Variants in ZNF410 observed in about 807,000 individuals in gnomAD.
The protein encoded by ZNF410 is zinc finger protein 410.
Under a neutral mutation model 54.8 loss-of-function variants are expected in ZNF410, and 18 were observed. The observed-to-expected ratio is 0.33, with a 90% CI of 0.23 to 0.49. The LOEUF is 0.49. Among genes scored for constraint, ZNF410 ranks in the 20% least tolerant of loss-of-function variants. The probability of loss-of-function intolerance (pLI) is 0.99; values close to 1 mark genes in which losing one functional copy is unlikely to be tolerated. For missense variants in ZNF410, 405 were observed against 569.6 expected (o/e 0.71, Z 2.94); for synonymous variants, 191 against 207.3 (o/e 0.92, Z 0.68).
chr14:73,898,168 T>G lies in ZNF410; in HGVS notation c.486T>G (p.Ile162Met), dbSNP rs762891364. ...FLSSESTDSS[I>M]PWFLRVQELA... The stretch of plus-strand genomic sequence containing the variant: ...CCAGTGAGAGCACAGACAGTAGCAT[T>G]CCATGGTTCCTCCGGGTTCAGGAGT... Residue 162 changes from isoleucine (I) to methionine (M), a missense_variant, in exon 5 of 12, where the codon ATT becomes ATG. Ile to Met is a conservative substitution (Grantham distance 10). Transcript: ENST00000555044. 5.3e-5 allele frequency: 85 copies of G among 1,614,014 alleles called. No homozygotes were observed. The highest frequency in any genetic ancestry group is 6.8e-5 in the Non-Finnish European group (80 of 1,180,054).
chr14:73,898,368 A>C, intron 5 of ZNF410, 106 bp downstream of exon 5: 1 of 1,148,368 alleles, frequency 8.7e-7, no homozygotes, highest in African/African-American at 1.6e-5. Context: ...TATTGATGAG[A>C]GCAGAAGGCT....
intron 2 of ZNF410, among the ~76,000 whole-genome samples, chr14:73,892,587 T>C (rs1026331578): frequency 1.3e-5 from 2 of 152,082 alleles, no homozygotes; most frequent in African/African-American, 4.8e-5. Context: ...CTGTAAGTAT[T>C]TTCTTTCTAA....
chr14:73,889,288 C>A (rs1047791523), intron 1 of ZNF410, among the ~76,000 whole-genome samples: 6 of 152,072 alleles, frequency 3.9e-5, no homozygotes, highest in Non-Finnish European at 8.8e-5. Context: ...AATCCTCCTA[C>A]TCAGCCTCCC....
chr14:73,891,126 A>G (rs2055223316), intron 1 of ZNF410, among the ~76,000 whole-genome samples: 1 of 152,146 alleles, frequency 6.6e-6, no homozygotes, highest in South Asian at 2.1e-4. Flanking sequence ...AAAAATTATC[A>G]AAACAATATG....
Position 73,894,377 on chromosome 14 carries a change from A to G in ZNF410, c.169+445A>G, listed in dbSNP as rs971281764. ...TTGGCAGAACCTGTTCCATGGAGAG[A>G]AGAGGATGGAAAGTCAGGCTGCAGT... On this transcript the variant is annotated intron_variant, in intron 3 of 11. Transcript: ENST00000555044. 4.4e-5 allele frequency: 31 copies of G among 702,688 alleles called. No individual in the cohort carries two copies. In the East Asian group the frequency reaches 8.3e-4, roughly 19 times the overall value. The allele number at this position is 702,688 out of a possible 1,614,324, so 43.5% of individuals were successfully genotyped here. A position where few individuals can be genotyped will look rare whatever the true frequency, so the allele number is the denominator to read the frequency against.
At chr14:73,890,203 T>A (rs1197631090) in intron 1 of ZNF410, among the ~76,000 whole-genome samples, 1 of 151,524 alleles carries the variant, frequency 6.6e-6, no homozygotes, top group Non-Finnish European at 1.5e-5. Flanking sequence ...TTTTTTTTTT[T>A]TTTGAGATGG....
intron 11 of ZNF410, chr14:73,927,915 G>T: frequency 6.1e-6 from 1 of 163,266 alleles, no homozygotes; most frequent in Non-Finnish European, 1.4e-5. Flanking sequence ...TCGGCCCACT[G>T]CAACCTCTAC....
rs906481832 is a variant in ZNF410 at position 73,918,997 on chromosome 14, CTTTTTTTTTTT to C, written c.1004-1963_1004-1953del. 4.7e-3 allele frequency among the ~76,000 whole-genome samples: 284 copies of C among 60,632 alleles called. 3 individuals carry two copies. Among genetic ancestry groups the C allele is most frequent in the African/African-American group, 0.026 (276 of 10,526 alleles). 39.8% of individuals were successfully genotyped at this position (60,632 alleles called of 152,430 possible). ...ACAGGAGTAAGCCACCGTGCCCGGC[CTTTTTTTTTTT>C]TTTTTTTTTTTTTTTTTTTGACAGA... On this transcript the variant is annotated intron_variant, in intron 8 of 11. Transcript: ENST00000555044.
At chr14:73,909,488 G>A in intron 8 of ZNF410, 58 bp downstream of exon 8, 1 of 1,411,792 alleles carries the variant, frequency 7.1e-7, no homozygotes, top group Non-Finnish European at 9.9e-7. Flanking sequence ...GAATAAAAGG[G>A]TTGTGGGGGT....
intron 1 of ZNF410, 40 bp downstream of exon 1, chr14:73,886,955 G>C (rs1233370535): frequency 6.5e-6 from 1 of 152,698 alleles, no homozygotes; most frequent in Non-Finnish European, 1.5e-5. Context: ...TCCTCGGTTA[G>C]GTAGTACCCG....
chr14:73,922,293 A>T, intron 10 of ZNF410, 87 bp downstream of exon 10: 1 of 1,372,876 alleles, frequency 7.3e-7, no homozygotes, highest in Non-Finnish European at 9.9e-7. Flanking sequence ...GTATGTTTAA[A>T]TCTCATTTCT....
chr14:73,894,761 C>T (rs1342991613), intron 3 of ZNF410, among the ~76,000 whole-genome samples: 6 of 151,816 alleles, frequency 4.0e-5, no homozygotes, highest in South Asian at 2.1e-4. Flanking sequence ...TCTCCTGGTA[C>T]GAGAAGGAAA....
chr14:73,894,719 G>A (rs757349096), intron 3 of ZNF410, among the ~76,000 whole-genome samples: 5 of 152,182 alleles, frequency 3.3e-5, no homozygotes, highest in East Asian at 1.9e-4. Flanking sequence ...GAGCCACTGC[G>A]CCAGGCCTAT....
At chr14:73,927,840 TTTTTTTTTAA>T in intron 11 of ZNF410, 1 of 154,116 alleles carries the variant, frequency 6.5e-6, no homozygotes. Context: ...CAATTTTTTT[TTTTTTTTTAA>T]TTTTTTAGAC....
chr14:73,911,164 A>C (rs1594757480), intron 8 of ZNF410, among the ~76,000 whole-genome samples: 2 of 152,182 alleles, frequency 1.3e-5, no homozygotes, highest in South Asian at 2.1e-4. Context: ...TTCAGATTTT[A>C]TTACTTTTCT....
intron 8 of ZNF410, among the ~76,000 whole-genome samples, chr14:73,911,043 CT>C (rs1287932095): frequency 6.6e-6 from 1 of 152,008 alleles, no homozygotes; most frequent in Non-Finnish European, 1.5e-5. Flanking sequence ...CACACAACAG[CT>C]TTTTAGAATT....
At chr14:73,922,787 T>C (rs2055774894) in intron 10 of ZNF410, 1 of 152,258 alleles carries the variant, frequency 6.6e-6, no homozygotes, top group Admixed American at 6.6e-5. Flanking sequence ...TAAAATCCAG[T>C]TGAGAAGTGA....
intron 4 of ZNF410, 87 bp from the exon 5 acceptor site, chr14:73,897,984 A>G: frequency 7.8e-7 from 1 of 1,285,244 alleles, no homozygotes; most frequent in Non-Finnish European, 1.0e-6. Flanking sequence ...AAAAAAAAAA[A>G]AAAAAAGGGA....
chr14:73,909,300 T>A (rs374631999), intron 7 of ZNF410, 41 bp from the exon 8 acceptor site: 83 of 1,539,478 alleles, frequency 5.4e-5, no homozygotes, highest in Non-Finnish European at 7.0e-5. Flanking sequence ...GGTAATCAGT[T>A]CATCAGAAGA....
Sources: gnomAD v4.1 joint callset for allele counts (sites outside exome capture counted in the v4.1 genomes callset) on GRCh38, gnomAD v4.1.1 for gene constraint, MANE v1.5 for transcripts, NCBI Gene and HGNC (gene_info 2026-07-23, HGNC 2026-07-21) for gene names.